Variants in SPATS2L observed in about 807,000 individuals in gnomAD.
SPATS2L encodes spermatogenesis associated serine rich 2 like.
A neutral mutation model predicts 59.6 loss-of-function variants in SPATS2L; 30 were observed. The observed-to-expected ratio is 0.50, with a 90% confidence interval of 0.38 to 0.68. SPATS2L has a LOEUF of 0.68. Among genes scored for constraint, SPATS2L ranks in the 30% least tolerant of loss-of-function variants. The pLI is 0.00. For synonymous variants in SPATS2L, 252 were observed against 263.5 expected (o/e 0.96, Z 0.42); for missense variants, 615 against 700.0 (o/e 0.88, Z 1.37).
chr2:200,461,320 C>T (rs918167620), intron 9 of SPATS2L: 2 of 152,150 alleles, frequency 1.3e-5, no homozygotes, highest in African/African-American at 4.8e-5. Context: ...CTAAATTTAA[C>T]ATAAAATATT....
At chr2:200,472,597 C>T (rs2087138309) in intron 11 of SPATS2L, among the ~76,000 whole-genome samples, 1 of 152,190 alleles carries the variant, frequency 6.6e-6, no homozygotes, top group Non-Finnish European at 1.5e-5. Flanking sequence ...CTACAAATGT[C>T]TCCCAACTTG....
At chr2:200,450,195 A>G (rs550631743) in intron 8 of SPATS2L, among the ~76,000 whole-genome samples, 45 of 152,352 alleles carry the variant, frequency 3.0e-4, no homozygotes, top group Middle Eastern at 3.4e-3. Context: ...AAATTCATAT[A>G]TAAGTAATGT....
At chr2:200,450,684 CAGTG>C (rs2085376515) in intron 8 of SPATS2L, among the ~76,000 whole-genome samples, 2 of 152,202 alleles carry the variant, frequency 1.3e-5, no homozygotes, top group Admixed American at 1.3e-4. Context: ...ATCTTCCACT[CAGTG>C]AGTCTAGTGA....
intron 6 of SPATS2L, among the ~76,000 whole-genome samples, chr2:200,434,397 C>A (rs1479551328): frequency 2.6e-5 from 4 of 151,608 alleles, no homozygotes; most frequent in African/African-American, 9.7e-5. Context: ...ATTAATAAGA[C>A]AAGGAACGAT....
intron 2 of SPATS2L, among the ~76,000 whole-genome samples, chr2:200,385,623 C>G (rs549286522): frequency 9.8e-4 from 149 of 152,280 alleles, no homozygotes; most frequent in African/African-American, 3.3e-3. Context: ...ATAACCTCAC[C>G]TGTCCCACAG....
At chr2:200,448,299 C>T (rs750774269) in intron 8 of SPATS2L, among the ~76,000 whole-genome samples, 1 of 151,798 alleles carries the variant, frequency 6.6e-6, no homozygotes, top group African/African-American at 2.4e-5. Flanking sequence ...AAAATAAGCC[C>T]GGTGTGGTGG....
At chr2:200,361,082 C>T (rs1437688422) in intron 2 of SPATS2L, among the ~76,000 whole-genome samples, 2 of 120,030 alleles carry the variant, frequency 1.7e-5, no homozygotes, top group African/African-American at 4.5e-5. Flanking sequence ...CCACCCCACC[C>T]CCCCACACAC....
chr2:200,351,209 T>C, intron 2 of SPATS2L: 1 of 470,986 alleles, frequency 2.1e-6, no homozygotes, highest in Non-Finnish European at 4.4e-6. Flanking sequence ...AGCTGAGCAC[T>C]TGCTGGGAGG....
chr2:200,409,859 T>C (rs2082814448), intron 3 of SPATS2L, among the ~76,000 whole-genome samples: 1 of 152,222 alleles, frequency 6.6e-6, no homozygotes. Flanking sequence ...CCATGTGTTT[T>C]TTTCTTTTGA....
chr2:200,480,693 C>G lies in SPATS2L; in HGVS notation c.*2662C>G, dbSNP rs983114274. 1.3e-5 allele frequency: 2 copies of G among 152,118 alleles called. No homozygotes were observed. The highest frequency in any genetic ancestry group is 4.8e-5 in the African/African-American group (2 of 41,410). 9.4% of individuals were successfully genotyped at this position (152,118 alleles called of 1,614,324 possible). A position where few individuals can be genotyped will look rare whatever the true frequency, so the allele number is the denominator to read the frequency against. On this transcript the variant is annotated 3_prime_UTR_variant, in exon 13 of 13. Transcript: ENST00000409140. ...GCTGGTTTTTGCCTTTCTTATAGAC[C>G]CTGGGCATGTAAGCATTTATTAGTT... is the stretch of plus-strand genomic sequence containing the variant.
intron 2 of SPATS2L, chr2:200,378,378 T>G: frequency 4.0e-6 from 4 of 1,002,256 alleles, no homozygotes; most frequent in Non-Finnish European, 4.8e-6. Flanking sequence ...AAAAGTGAGT[T>G]GAGGTTGCAT....
chr2:200,326,363 A>G (rs1247578852), intron 1 of SPATS2L, among the ~76,000 whole-genome samples: 2 of 152,246 alleles, frequency 1.3e-5, no homozygotes, highest in Non-Finnish European at 2.9e-5. Context: ...CATACTCACT[A>G]TAGAAAATTT....
chr2:200,371,567 G>T (rs79841311), intron 2 of SPATS2L, among the ~76,000 whole-genome samples: 5 of 152,064 alleles, frequency 3.3e-5, no homozygotes, highest in African/African-American at 9.7e-5. Context: ...TTACAGCTCA[G>T]GAGTATGTAT....
At chr2:200,314,825 T>C (rs1032451215) in intron 1 of SPATS2L, among the ~76,000 whole-genome samples, 1 of 152,096 alleles carries the variant, frequency 6.6e-6, no homozygotes, top group African/African-American at 2.4e-5. Flanking sequence ...TACACCATGC[T>C]TTGAGACTAT....
intron 2 of SPATS2L, among the ~76,000 whole-genome samples, chr2:200,374,590 C>T (rs2081537230): frequency 6.6e-6 from 1 of 151,964 alleles, no homozygotes. Flanking sequence ...CACACAGGCA[C>T]CCTCTACATG....
chr2:200,424,041 C>A (rs762065385), intron 6 of SPATS2L, among the ~76,000 whole-genome samples: 1 of 152,080 alleles, frequency 6.6e-6, no homozygotes, highest in Non-Finnish European at 1.5e-5. Context: ...GTCAGCAGAT[C>A]GTTTAGAAGT....
Position 200,335,381 on chromosome 2 carries a change from A to T in SPATS2L, c.-23+5901A>T, listed in dbSNP as rs192331514. 4.4e-3 allele frequency among the ~76,000 whole-genome samples: 454 copies of T among 102,298 alleles called. 2 individuals carry two copies. Among genetic ancestry groups the T allele is most frequent in the African/African-American group, 0.011 (418 of 38,882 alleles). 67.1% of individuals were successfully genotyped at this position (102,298 alleles called of 152,430 possible). A position where few individuals can be genotyped will look rare whatever the true frequency, so the allele number is the denominator to read the frequency against. ...CGACAGAGCAAAGATTCTGTCTCAA[A>T]AAAAAAAGAAAGAAAAAAAAAAGAA... On this transcript the variant is annotated intron_variant, in intron 2 of 12. Transcript: ENST00000409140.
chr2:200,344,959 G>C (rs759785015), intron 2 of SPATS2L, among the ~76,000 whole-genome samples: 3 of 152,128 alleles, frequency 2.0e-5, no homozygotes, highest in Non-Finnish European at 4.4e-5. Flanking sequence ...AGAGATGCTG[G>C]ATACTAGACC....
intron 2 of SPATS2L, chr2:200,384,127 A>G: frequency 2.4e-6 from 1 of 416,528 alleles, no homozygotes; most frequent in Non-Finnish European, 3.4e-6. Context: ...TTGTTGAATT[A>G]TATCAATTGG....
Sources: allele counts gnomAD v4.1 joint callset (sites outside exome capture counted in the v4.1 genomes callset), GRCh38; gene constraint gnomAD v4.1.1; transcripts MANE v1.5; gene names NCBI Gene and HGNC (gene_info 2026-07-23, HGNC 2026-07-21).